COL2A1: variants seen among roughly 807,000 people sequenced by gnomAD.
The protein encoded by COL2A1 is collagen type II alpha 1 chain.
A neutral mutation model predicts 204.5 loss-of-function variants in COL2A1; 28 were observed. The observed-to-expected ratio is 0.14, with a 90% CI of 0.10 to 0.19. The LOEUF (loss-of-function observed/expected upper bound fraction) is 0.19. COL2A1 is among the 10% of genes least tolerant of loss of function. The probability of loss-of-function intolerance (pLI) is 1.00; values close to 1 mark genes in which losing one functional copy is unlikely to be tolerated. For synonymous variants in COL2A1, 708 were observed against 718.7 expected (o/e 0.99, Z 0.24); for missense variants, 1,388 against 2,027.5 (o/e 0.68, Z 6.06).
intron 9 of COL2A1, 35 bp downstream of exon 9, chr12:47,995,840 A>G: frequency 6.2e-7 from 1 of 1,610,492 alleles, no homozygotes; most frequent in African/African-American, 1.3e-5. Flanking sequence ...ATCATCTGCG[A>G]CACGATGGAG....
At chr12:47,999,634 A>AGTTT in intron 2 of COL2A1, 3 of 152,618 alleles carry the variant, frequency 2.0e-5, no homozygotes, top group Admixed American at 1.7e-4. Flanking sequence ...TTCAGAGAGG[A>AGTTT]TTTTTTTTTT....
intron 36 of COL2A1, 117 bp downstream of exon 36, chr12:47,981,659 G>A: frequency 8.0e-7 from 1 of 1,252,316 alleles, no homozygotes; most frequent in South Asian, 1.3e-5. Context: ...CACTCCTACG[G>A]CCTTGGCCGA....
At position 47,998,154 on chromosome 12, in the gene COL2A1, A is replaced by C; in HGVS notation, c.342+15T>G. The C allele has an allele frequency of 6.2e-7, 1 of 1,614,206 alleles. No individual in the cohort carries two copies. Among genetic ancestry groups the C allele is most frequent in the Non-Finnish European group, 8.5e-7 (1 of 1,180,032 alleles). ...GCAGCAGCTGCAATACCGGGTGAGA[A>C]TAATTTGCACTTACATCCTTGATGT... On this transcript the variant is annotated intron_variant, in intron 4 of 53. Transcript: ENST00000380518.
At position 47,989,266 on chromosome 12, in the gene COL2A1, C is replaced by G; in HGVS notation, c.1084G>C (p.Ala362Pro). Reference protein sequence around the residue: ...PAGPPGPVGPAGGPGFPGAPG... With the variant: ...PAGPPGPVGPPGGPGFPGAPG... ...GCACCAGGGAAGCCAGGACCACCAGCAGGACCGACAGGACCCTGGAGAGAG... is the reference window on the plus strand; with the variant it reads ...GCACCAGGGAAGCCAGGACCACCAGGAGGACCGACAGGACCCTGGAGAGAG... Residue 362 changes from alanine to proline, a missense_variant, in exon 18 of 54, where the codon GCT becomes CCT. Coordinates refer to ENST00000380518, the MANE Select transcript of COL2A1 (RefSeq NM_001844.5). 6.2e-7 allele frequency: 1 copy of G among 1,612,970 alleles called. No homozygotes were observed. The highest frequency in any genetic ancestry group is 8.5e-7 in the Non-Finnish European group (1 of 1,179,774).
chr12:47,988,887 T>C (rs984419664), intron 18 of COL2A1, among the ~76,000 whole-genome samples: 7 of 152,356 alleles, frequency 4.6e-5, no homozygotes, highest in African/African-American at 1.7e-4. Flanking sequence ...GCTCAGCTGT[T>C]GGGTCTCCCC....
chr12:47,976,977 C>T lies in COL2A1; in HGVS notation c.3328-58G>A. 6.5e-7 allele frequency: 1 copy of T among 1,539,150 alleles called. No homozygotes were observed. The highest frequency in any genetic ancestry group is 8.9e-7 in the Non-Finnish European group (1 of 1,129,186). On this transcript the variant is annotated intron_variant, in intron 47 of 53. Transcript: ENST00000380518. The surrounding 1 kb of genome is among the most constrained non-coding windows in gnomAD (Gnocchi z 4.3). ...TCAGGGCCAGGACAGGAGCCCCCTCCTGTCCCACCCAAGCTGAGGAATCCC... is the reference window on the plus strand; with the variant it reads ...TCAGGGCCAGGACAGGAGCCCCCTCTTGTCCCACCCAAGCTGAGGAATCCC...
intron 18 of COL2A1, 85 bp downstream of exon 18, chr12:47,989,143 G>T: frequency 1.7e-6 from 2 of 1,155,738 alleles, no homozygotes; most frequent in Non-Finnish European, 2.6e-6. Flanking sequence ...GCAGGTGGTT[G>T]TTGAGGGAGC....
chr12:47,984,175 G>A (rs151132865), intron 28 of COL2A1, 35 bp from the exon 29 acceptor site: 63 of 1,598,194 alleles, frequency 3.9e-5, no homozygotes, highest in African/African-American at 1.9e-4. Flanking sequence ...TCAATGACAC[G>A]CTTTTCTTCC....
rs1287607060 is a variant in COL2A1, at chr12:47,973,073, G to C, written c.*334C>G. ...TGTGTAGGACACACACAGTTCCTGC[G>C]CCCGGCACCTGAAGGGAGGTCTTCT... On this transcript the variant is annotated 3_prime_UTR_variant, in exon 54 of 54. Coordinates refer to ENST00000380518, the MANE Select transcript of COL2A1 (RefSeq NM_001844.5). The C allele has an allele frequency of 1.7e-6, 1 of 593,620 alleles. No individual in the cohort carries two copies. The highest frequency in any genetic ancestry group is 1.9e-5 in the African/African-American group (1 of 53,778). 36.8% of individuals were successfully genotyped at this position (593,620 alleles called of 1,614,324 possible).
rs887669188 is a variant in COL2A1, at chr12:47,973,156, G to A, written c.*251C>T. ...TTTGACTCACACCAGTTAGTTTCCTGCCTCTGCCTTGACCCGAAGGTCTTA... is the reference window on the plus strand; with the variant it reads ...TTTGACTCACACCAGTTAGTTTCCTACCTCTGCCTTGACCCGAAGGTCTTA... On this transcript the variant is annotated 3_prime_UTR_variant, in exon 54 of 54. Transcript: ENST00000380518. 1.6e-6 allele frequency: 1 copy of A among 618,924 alleles called. No homozygotes were observed. The highest frequency in any genetic ancestry group is 2.9e-6 in the Non-Finnish European group (1 of 347,318). The allele number at this position is 618,924 out of a possible 1,614,324, so 38.3% of individuals were successfully genotyped here.
At chr12:47,982,655 C>T in intron 33 of COL2A1, 46 bp from the exon 34 acceptor site, 4 of 1,426,018 alleles carry the variant, frequency 2.8e-6, no homozygotes, top group South Asian at 1.2e-5. Flanking sequence ...AGCACCTCTC[C>T]CTGAACCCAT....
chr12:47,982,227 A>C, intron 34 of COL2A1, 67 bp from the exon 35 acceptor site: 1 of 1,438,430 alleles, frequency 7.0e-7, no homozygotes. Context: ...GCTCAGTCCC[A>C]CCCAGGCTGG....
At chr12:47,985,204 T>G in intron 26 of COL2A1, 111 bp from the exon 27 acceptor site, 2 of 845,286 alleles carry the variant, frequency 2.4e-6, no homozygotes, top group Non-Finnish European at 3.9e-6. Context: ...CAGCCACACA[T>G]GCTCAGCATC....
Position 47,972,979 on chromosome 12 carries a change from A to T in COL2A1, c.*428T>A, listed in dbSNP as rs997236774. 1.2e-5 allele frequency: 6 copies of T among 500,588 alleles called. No homozygotes were observed. In the Admixed American group the frequency reaches 2.1e-4, roughly 18 times the overall value. 31.0% of individuals were successfully genotyped at this position (500,588 alleles called of 1,614,324 possible). On this transcript the variant is annotated 3_prime_UTR_variant, in exon 54 of 54. Transcript: ENST00000380518. ...ACAAGTCAATATGTACTTTCCAATA[A>T]TCTTTTCATTTTTAATATCAATTGA...
rs1940159813 is a variant in COL2A1, at chr12:48,000,074, A to G, written c.137T>C (p.Val46Ala). ...QDGQRYNDKD[V>A]WKPEPCRICV... ...GATCCGGCAGGGCTCCGGCTTCCAC[A>G]CATCCTTATCATTATACCTCTGCCC... The change falls in exon 2 of 54, where the codon GTG (valine) becomes GCG (alanine). Residue 46 changes from valine (V) to alanine (A), a missense_variant. Transcript: ENST00000380518. 6.2e-7 allele frequency: 1 copy of G among 1,613,632 alleles called. No homozygotes were observed. The highest frequency in any genetic ancestry group is 1.3e-5 in the African/African-American group (1 of 74,896).
At chr12:47,984,451 G>T in intron 28 of COL2A1, 95 bp downstream of exon 28, 3 of 1,285,314 alleles carry the variant, frequency 2.3e-6, no homozygotes, top group East Asian at 2.4e-5. Flanking sequence ...AATACTGAGG[G>T]GTCCCGGGAC....
intron 5 of COL2A1, 51 bp downstream of exon 5, chr12:47,997,981 A>G (rs769654466): frequency 1.2e-5 from 20 of 1,614,174 alleles, no homozygotes; most frequent in Non-Finnish European, 1.7e-5. Flanking sequence ...CAGATCAGTA[A>G]CTTGCGCGCA....
rs913004332 is a variant in COL2A1, at chr12:47,976,667, T to G, written c.3436-100A>C. On this transcript the variant is annotated intron_variant, in intron 48 of 53. Transcript: ENST00000380518. This position sits in a 1 kb window ranked among gnomAD's most constrained non-coding sequence, Gnocchi z 4.3. ...AGCTTTATGTCCCAGCCCCATTCCC[T>G]TTCCACTTCCTCCTCCCTCCAGCCC... The G allele has an allele frequency of 7.1e-7, 1 of 1,411,850 alleles. No individual in the cohort carries two copies. The highest frequency in any genetic ancestry group is 9.9e-7 in the Non-Finnish European group (1 of 1,005,526). The allele number at this position is 1,411,850 out of a possible 1,614,324, so 87.5% of individuals were successfully genotyped here.
In COL2A1 at chr12:47,976,529, A is replaced by G. The variant is rs2136516713; in HGVS notation, c.3474T>C (p.Gly1158=). 3.7e-6 allele frequency: 6 copies of G among 1,614,200 alleles called. No individual in the cohort carries two copies. The highest frequency in any genetic ancestry group is 5.1e-6 in the Non-Finnish European group (6 of 1,180,028). The change falls in exon 49 of 54, where the codon GGT becomes GGC. Residue 1158 remains glycine (G), a synonymous_variant. Coordinates refer to ENST00000380518, the MANE Select transcript of COL2A1 (RefSeq NM_001844.5). This position sits in a 1 kb window ranked among gnomAD's most constrained non-coding sequence, Gnocchi z 4.3. ...TGTCACTTACTCTAGGGCCAGAAGG[A>G]CCAGCAGGACCAGAAGCACCTTGGT... ...SGDQGASGPA[G]PSGPRGPPGP...
Sources: gnomAD v4.1 joint callset for allele counts (sites outside exome capture counted in the v4.1 genomes callset) on GRCh38, gnomAD v4.1.1 for gene constraint, Gnocchi (gnomAD v3.1) non-coding constraint, MANE v1.5 for transcripts, NCBI Gene and HGNC (gene_info 2026-07-23, HGNC 2026-07-21) for gene names.